The following DAO variants were observed in gnomAD, a reference collection of about 807,000 sequenced individuals.
DAO encodes the protein D-amino-acid oxidase.
A neutral mutation model predicts 50.1 loss-of-function variants in DAO; 51 were observed. The ratio of observed to expected loss-of-function variants is 1.02; its 90% CI spans 0.81 to 1.29. The LOEUF (loss-of-function observed/expected upper bound fraction) is 1.29, where lower values mean the gene tolerates loss of function less well. DAO is among the 50% of genes most tolerant of loss of function. The pLI, the probability that DAO is intolerant of heterozygous loss-of-function variation, is 0.00. For synonymous variants in DAO, 160 were observed against 166.2 expected, an observed-to-expected ratio of 0.96 and a Z score of 0.29; for missense variants, 436 against 439.4, an observed-to-expected ratio of 0.99 and a Z score of 0.07.
chr12:108,890,321 G>C, intron 5 of DAO, 48 bp downstream of exon 5: 1 of 1,446,380 alleles, frequency 6.9e-7, no homozygotes, highest in Non-Finnish European at 9.7e-7. Flanking sequence ...CAGAGACCAA[G>C]TTGTAGTGGA....
Position 108,894,082 on chromosome 12 carries a change from C to T in DAO, c.508-181C>T, listed in dbSNP as rs143884731. ...GTAACCAGACATTTTCAAGGTCACACGTCAGATAAATGGCAGTATGAAAAT... is the reference window on the plus strand; with the variant it reads ...GTAACCAGACATTTTCAAGGTCACATGTCAGATAAATGGCAGTATGAAAAT... On this transcript the variant is annotated intron_variant, in intron 6 of 10. Transcript: ENST00000228476. Among the ~76,000 whole-genome samples the T allele has an allele frequency of 2.7e-3, 406 of 152,222 alleles. 2 individuals are homozygous for T. Among genetic ancestry groups the T allele is most frequent in the South Asian group, 6.4e-3 (31 of 4,816 alleles).
Position 108,880,129 on chromosome 12 carries a change from C to A in DAO, c.-105C>A, listed in dbSNP as rs902145407. ...GGGCTGGCGGACAGAGGGCTGGAAACAAGACGCTCCAGAATCAGGAGCTTC... is the reference window on the plus strand; with the variant it reads ...GGGCTGGCGGACAGAGGGCTGGAAAAAAGACGCTCCAGAATCAGGAGCTTC... On this transcript the variant is annotated 5_prime_UTR_variant, in exon 1 of 11. Transcript: ENST00000228476. 2.1e-4 allele frequency: 95 copies of A among 456,592 alleles called. No individual in the cohort carries two copies. The highest frequency in any genetic ancestry group is 3.6e-4 in the Non-Finnish European group (81 of 226,974). 28.3% of individuals were successfully genotyped at this position (456,592 alleles called of 1,614,324 possible). A position where few individuals can be genotyped will look rare whatever the true frequency, so the allele number is the denominator to read the frequency against.
chr12:108,898,472 G>T (rs574028553), intron 8 of DAO: 3 of 601,670 alleles, frequency 5.0e-6, no homozygotes, highest in South Asian at 1.8e-5. Context: ...AATGATAGTA[G>T]CAAAGACAAT....
chr12:108,900,251 C>A, intron 10 of DAO, 153 bp from the exon 11 acceptor site: 1 of 910,752 alleles, frequency 1.1e-6, no homozygotes, highest in Non-Finnish European at 1.7e-6. Flanking sequence ...GGGTCCCCAC[C>A]ATTCCACCCC....
intron 1 of DAO, among the ~76,000 whole-genome samples, chr12:108,884,337 A>G (rs2137339583): frequency 6.6e-6 from 1 of 152,292 alleles, no homozygotes; most frequent in East Asian, 1.9e-4. Flanking sequence ...ACCTCTCTGA[A>G]CCACAGTTTC....
chr12:108,893,283 A>G (rs1046834040), intron 6 of DAO, among the ~76,000 whole-genome samples: 2 of 152,146 alleles, frequency 1.3e-5, no homozygotes, highest in Non-Finnish European at 2.9e-5. Flanking sequence ...AGACTCAATG[A>G]GTTTTGGGTC....
Position 108,885,178 on chromosome 12 carries a change from G to A in DAO, c.172G>A (p.Asp58Asn). ...AAGLWQPYLS[D>N]PNNPQEADWS... is the part of the protein sequence containing the mutation. ...CGGCCTCTGGCAGCCCTACCTTTCT[G>A]ACCCCAACAACCCACAGGAGGCGTG... Residue 58 changes from aspartate to asparagine, a missense_variant, in exon 2 of 11, where the codon GAC becomes AAC. Asp to Asn is a conservative substitution (Grantham distance 23). Coordinates refer to ENST00000228476, the MANE Select transcript of DAO (RefSeq NM_001917.5). 1.9e-6 allele frequency: 3 copies of A among 1,613,348 alleles called. No homozygotes were observed. The highest frequency in any genetic ancestry group is 2.5e-6 in the Non-Finnish European group (3 of 1,179,804).
In DAO at chr12:108,900,671, A is replaced by C; in HGVS notation, c.*136A>C. 5.3e-6 allele frequency: 7 copies of C among 1,309,466 alleles called. No individual in the cohort carries two copies. The highest frequency in any genetic ancestry group is 6.3e-6 in the Non-Finnish European group (6 of 945,692). The allele number at this position is 1,309,466 out of a possible 1,614,324, so 81.1% of individuals were successfully genotyped here. A position where few individuals can be genotyped will look rare whatever the true frequency, so the allele number is the denominator to read the frequency against. On this transcript the variant is annotated 3_prime_UTR_variant, in exon 11 of 11. Coordinates refer to ENST00000228476, the MANE Select transcript of DAO (RefSeq NM_001917.5). ...GAAGCATGAGGTGAGAGAAAGCCAC[A>C]AAGTCAGTGCCTGGAGAAGGGTTCA...
At position 108,890,953 on chromosome 12, in the gene DAO, C is replaced by T. The variant is rs146548118; in HGVS notation, c.452+680C>T. Among the ~76,000 whole-genome samples, 630 of 152,140 alleles carry T rather than the reference C, an allele frequency of 4.1e-3. 2 individuals are homozygous for T. The highest frequency in any genetic ancestry group is 0.014 in the African/African-American group (590 of 41,512). On this transcript the variant is annotated intron_variant, in intron 5 of 10. Transcript: ENST00000228476. ...CCTGCCTCAGCCTCCTGAGTAGCTG[C>T]GACTACAGGTGCCTGCCACCACCAC... is the stretch of plus-strand genomic sequence containing the variant.
chr12:108,896,379 C>T (rs2039555554), intron 7 of DAO, among the ~76,000 whole-genome samples: 1 of 135,362 alleles, frequency 7.4e-6, no homozygotes, highest in Admixed American at 8.1e-5. Context: ...GCCGAGACTA[C>T]ACCACTGCAC....
chr12:108,893,722 G>A (rs76778799), intron 6 of DAO, among the ~76,000 whole-genome samples: 2,464 of 152,278 alleles, frequency 0.016, 69 homozygotes, highest in African/African-American at 0.055. Flanking sequence ...CGTGGTGAGA[G>A]TCACTGGGGC....
chr12:108,885,194 A>G lies in DAO; in HGVS notation c.188A>G (p.Gln63Arg), dbSNP rs2039422953. The G allele has an allele frequency of 6.2e-7, 1 of 1,612,384 alleles. No individual in the cohort carries two copies. The highest frequency in any genetic ancestry group is 1.1e-5 in the South Asian group (1 of 91,084). ...TACCTTTCTGACCCCAACAACCCAC[A>G]GGAGGCGTGAGTGAGGGTCACATAG... ...QPYLSDPNNP[Q>R]EADWSQQTFD... The change falls in exon 2 of 11, where the codon CAG becomes CGG. Residue 63 changes from glutamine (Q) to arginine (R), a missense_variant. By Grantham distance (43) the Gln-to-Arg change is conservative. Coordinates refer to ENST00000228476, the MANE Select transcript of DAO (RefSeq NM_001917.5).
intron 2 of DAO, among the ~76,000 whole-genome samples, chr12:108,886,499 C>CCTGT (rs754722399): frequency 1.3e-5 from 2 of 151,926 alleles, no homozygotes; most frequent in Non-Finnish European, 2.9e-5. Flanking sequence ...TAAGAGGCAT[C>CCTGT]CTGTCACCCA....
chr12:108,900,253 T>C lies in DAO; in HGVS notation c.913-151T>C, dbSNP rs1182746127. On this transcript the variant is annotated intron_variant, in intron 10 of 10. Coordinates refer to ENST00000228476, the MANE Select transcript of DAO (RefSeq NM_001917.5). The stretch of plus-strand genomic sequence containing the variant: ...CAACTGTTCCAGGGGGTCCCCACCA[T>C]TCCACCCCGGTGCCAAGAGAAGCTC... 6 of 945,194 alleles carry C rather than the reference T, an allele frequency of 6.3e-6. No individual in the cohort carries two copies. In the East Asian group the frequency reaches 1.0e-4, roughly 16 times the overall value. 58.6% of individuals were successfully genotyped at this position (945,194 alleles called of 1,614,324 possible).
chr12:108,891,619 A>C (rs1008372015), intron 5 of DAO, among the ~76,000 whole-genome samples: 1 of 151,918 alleles, frequency 6.6e-6, no homozygotes, highest in Non-Finnish European at 1.5e-5. Context: ...TTTGAGACAA[A>C]ATCTTACTTT....
In DAO at chr12:108,898,479, C is replaced by T. The variant is rs544507557; in HGVS notation, c.696-200C>T. 1.6e-4 allele frequency: 98 copies of T among 622,248 alleles called. No homozygotes were observed. The African/African-American group carries it at 1.7e-3, about 11-fold the overall frequency. 38.5% of individuals were successfully genotyped at this position (622,248 alleles called of 1,614,324 possible). ...GACCTATTAATGATAGTAGCAAAGACAATGTTGTTGATGGAGATGACAACA... is the reference window on the plus strand; with the variant it reads ...GACCTATTAATGATAGTAGCAAAGATAATGTTGTTGATGGAGATGACAACA... On this transcript the variant is annotated intron_variant, in intron 8 of 10. Coordinates refer to ENST00000228476, the MANE Select transcript of DAO (RefSeq NM_001917.5).
At position 108,894,481 on chromosome 12, in the gene DAO, G is replaced by T. The variant is rs577672767; in HGVS notation, c.612+114G>T. Reference sequence around the variant, plus strand: ...GGAACATCTGTTAGAGGAACCCCCCGGACTGCAGGGAATTGACATGTAAAA... The same window carrying T: ...GGAACATCTGTTAGAGGAACCCCCCTGACTGCAGGGAATTGACATGTAAAA... On this transcript the variant is annotated intron_variant, in intron 7 of 10. Coordinates refer to ENST00000228476, the MANE Select transcript of DAO (RefSeq NM_001917.5). The T allele has an allele frequency of 1.4e-5, 12 of 871,102 alleles. 1 individual carries two copies. Among genetic ancestry groups the T allele is most frequent in the South Asian group, 1.3e-4 (9 of 68,238 alleles). 54.0% of individuals were successfully genotyped at this position (871,102 alleles called of 1,614,324 possible). A position where few individuals can be genotyped will look rare whatever the true frequency, so the allele number is the denominator to read the frequency against.
chr12:108,881,017 G>A (rs539954861), intron 1 of DAO, among the ~76,000 whole-genome samples: 1 of 152,276 alleles, frequency 6.6e-6, no homozygotes, highest in South Asian at 2.1e-4. Context: ...CCTCCAGAAT[G>A]AGGGCGGTAA....
chr12:108,899,538 C>A, intron 10 of DAO, 63 bp downstream of exon 10: 1 of 1,409,212 alleles, frequency 7.1e-7, no homozygotes, highest in Non-Finnish European at 9.9e-7. Flanking sequence ...CTGGCATTTT[C>A]AGGGAACAGT....
Sources: allele counts gnomAD v4.1 joint callset (sites outside exome capture counted in the v4.1 genomes callset), GRCh38; gene constraint gnomAD v4.1.1; transcripts MANE v1.5; gene names NCBI Gene and HGNC (gene_info 2026-07-23, HGNC 2026-07-21).